The following GABRG2 variants were observed in gnomAD, a reference collection of about 807,000 sequenced individuals.
GABRG2 encodes gamma-aminobutyric acid type A receptor subunit gamma2.
In GABRG2, 16 loss-of-function variants were observed where a neutral mutation model predicts 56.4. That is an observed-to-expected ratio of 0.28 (90% CI 0.19 to 0.43). The LOEUF is 0.43. GABRG2 is among the 20% of genes least tolerant of loss of function. GABRG2 has a pLI of 1.00. For missense variants in GABRG2, 327 were observed against 582.7 expected (o/e 0.56, Z 4.52); for synonymous variants, 208 against 205.5 (o/e 1.01, Z -0.10).
At chr5:162,078,216 C>T (rs538915484) in intron 1 of GABRG2, among the ~76,000 whole-genome samples, 1 of 151,566 alleles carries the variant, frequency 6.6e-6, no homozygotes, top group East Asian at 1.9e-4. Flanking sequence ...GCCACCATGG[C>T]TGGGTTCTGG....
rs1753802684 is a variant in GABRG2 at position 162,155,423 on chromosome 5, T to C, written c.*2055T>C. 1.3e-5 allele frequency: 2 copies of C among 152,482 alleles called. No individual in the cohort carries two copies. Among genetic ancestry groups the C allele is most frequent in the African/African-American group, 2.4e-5 (1 of 41,412 alleles). The allele number at this position is 152,482 out of a possible 1,614,324, so 9.4% of individuals were successfully genotyped here. ...TGAATATATATTATATATAATCTAA[T>C]ACTTATTATAAGCTGCTCCCTGTCT... On this transcript the variant is annotated 3_prime_UTR_variant, in exon 10 of 10. Transcript: ENST00000639213.
At chr5:162,085,603 G>A (rs879423028) in intron 1 of GABRG2, among the ~76,000 whole-genome samples, 20 of 142,444 alleles carry the variant, frequency 1.4e-4, no homozygotes, top group Non-Finnish European at 2.3e-4. Flanking sequence ...TGAGTTCAGT[G>A]ATACAAATGC....
At chr5:162,076,508 C>T (rs1759118056) in intron 1 of GABRG2, among the ~76,000 whole-genome samples, 1 of 152,128 alleles carries the variant, frequency 6.6e-6, no homozygotes, top group Non-Finnish European at 1.5e-5. Flanking sequence ...ATATCTCTAA[C>T]AATGTGAAAT....
chr5:162,135,037 C>A (rs1014241082), intron 6 of GABRG2, among the ~76,000 whole-genome samples: 1 of 152,140 alleles, frequency 6.6e-6, no homozygotes, highest in African/African-American at 2.4e-5. Flanking sequence ...GAAATCAGAA[C>A]GGCAAAGTTT....
At chr5:162,103,708 C>T in intron 5 of GABRG2, 181 bp from the exon 6 acceptor site, 3 of 648,548 alleles carry the variant, frequency 4.6e-6, no homozygotes, top group Non-Finnish European at 8.0e-6. Context: ...TCTAACTTCC[C>T]ATTAGGATGC....
Position 162,110,883 on chromosome 5 carries a change from G to T in GABRG2, c.769+6857G>T, listed in dbSNP as rs139266908. On this transcript the variant is annotated intron_variant, in intron 6 of 9. Coordinates refer to ENST00000639213, the MANE Select transcript of GABRG2 (RefSeq NM_198904.4). ...TTATTTTTAAGCTTCAATTTAGAAA[G>T]TTAGCTTTGGTCTCAGGAGAGAAAA... Among the ~76,000 whole-genome samples the T allele has an allele frequency of 8.4e-3, 1,277 of 152,230 alleles. 28 individuals carry two copies. The highest frequency in any genetic ancestry group is 0.029 in the African/African-American group (1,212 of 41,548).
At chr5:162,127,286 A>G (rs1233172390) in intron 6 of GABRG2, among the ~76,000 whole-genome samples, 6 of 151,914 alleles carry the variant, frequency 3.9e-5, no homozygotes, top group Admixed American at 6.6e-5. Flanking sequence ...TGTACTTTAG[A>G]TATTTGTGGC....
intron 6 of GABRG2, among the ~76,000 whole-genome samples, chr5:162,136,034 G>A (rs1052015260): frequency 1.3e-5 from 2 of 152,116 alleles, no homozygotes; most frequent in African/African-American, 2.4e-5. Flanking sequence ...CAGAAGTTGA[G>A]AGCAACATAT....
At chr5:162,086,046 T>G (rs1760076128) in intron 1 of GABRG2, among the ~76,000 whole-genome samples, 1 of 151,844 alleles carries the variant, frequency 6.6e-6, no homozygotes, top group Non-Finnish European at 1.5e-5. Flanking sequence ...ATAAACATAC[T>G]CGTGCATGCT....
intron 6 of GABRG2, among the ~76,000 whole-genome samples, chr5:162,134,797 G>T (rs2422106): frequency 0.64 from 96,992 of 151,844 alleles, 31,460 homozygotes; most frequent in Admixed American, 0.72. Context: ...GCTAAGAGAC[G>T]AAGACCATCC....
Position 162,153,176 on chromosome 5 carries a change from C to T in GABRG2, c.1236C>T (p.Tyr412=), listed in dbSNP as rs749951528. Residue 412 remains tyrosine (Y), a synonymous_variant, in exon 10 of 10, where the codon TAC becomes TAT. Coordinates refer to ENST00000639213, the MANE Select transcript of GABRG2 (RefSeq NM_198904.4). ...ACCTTCAAGAGAGAGATGAAGAGTA[C>T]GGCTATGAGTGTCTGGACGGCAAGG... is the stretch of plus-strand genomic sequence containing the variant. ...ATHLQERDEE[Y]GYECLDGKDC... is the part of the protein sequence containing the mutation. 1.6e-4 allele frequency: 253 copies of T among 1,613,916 alleles called. No homozygotes were observed. Among genetic ancestry groups the T allele is most frequent in the Middle Eastern group, 3.3e-4 (2 of 6,084 alleles).
chr5:162,074,055 T>G (rs2113132478), intron 1 of GABRG2, among the ~76,000 whole-genome samples: 1 of 151,892 alleles, frequency 6.6e-6, no homozygotes, highest in Middle Eastern at 3.4e-3. Context: ...CCTCTCTAAC[T>G]TGCATTACTG....
In GABRG2 at chr5:162,132,375, G is replaced by A. The variant is rs1763819356; in HGVS notation, c.770-9789G>A. On this transcript the variant is annotated intron_variant, in intron 6 of 9. Coordinates refer to ENST00000639213, the MANE Select transcript of GABRG2 (RefSeq NM_198904.4). The stretch of plus-strand genomic sequence containing the variant: ...AGACCTGTGGACCAGGCATTTTTCT[G>A]TTGAGAATTCTTTGTTCTTTCAACA... Among the ~76,000 whole-genome samples, 2 of 151,946 alleles carry A rather than the reference G, an allele frequency of 1.3e-5. 1 individual carries two copies. The highest frequency in any genetic ancestry group is 1.3e-4 in the Admixed American group (2 of 15,234).
intron 6 of GABRG2, among the ~76,000 whole-genome samples, chr5:162,126,008 G>A (rs1311194407): frequency 6.6e-6 from 1 of 151,920 alleles, no homozygotes; most frequent in Non-Finnish European, 1.5e-5. Flanking sequence ...TGAAGAGGGT[G>A]AATGAAATAG....
chr5:162,117,497 C>T (rs1309821336), intron 6 of GABRG2, among the ~76,000 whole-genome samples: 1 of 151,916 alleles, frequency 6.6e-6, no homozygotes, highest in Non-Finnish European at 1.5e-5. Context: ...AAGATATTGT[C>T]AAAAAGAGTA....
chr5:162,116,796 T>C (rs1346380422), intron 6 of GABRG2, among the ~76,000 whole-genome samples: 1 of 150,636 alleles, frequency 6.6e-6, no homozygotes, highest in African/African-American at 2.5e-5. Flanking sequence ...GGCAATACTC[T>C]GTGACATTTA....
At chr5:162,094,023 A>C (rs774501491) in intron 2 of GABRG2, 44 bp downstream of exon 2, 3 of 1,586,134 alleles carry the variant, frequency 1.9e-6, no homozygotes, top group Non-Finnish European at 2.6e-6. Flanking sequence ...AGGAGCACAT[A>C]AACATGTCTA....
chr5:162,118,394 A>T (rs1762769620), intron 6 of GABRG2, among the ~76,000 whole-genome samples: 1 of 152,106 alleles, frequency 6.6e-6, no homozygotes, highest in Admixed American at 6.6e-5. Flanking sequence ...TAGAAACAAG[A>T]GTGAGGTGGT....
At chr5:162,109,969 C>T (rs1416693255) in intron 6 of GABRG2, among the ~76,000 whole-genome samples, 1 of 152,088 alleles carries the variant, frequency 6.6e-6, no homozygotes, top group Non-Finnish European at 1.5e-5. Context: ...TTAAATCTGT[C>T]ATATTGTCTT....
Sources: allele counts gnomAD v4.1 joint callset (sites outside exome capture counted in the v4.1 genomes callset), GRCh38; gene constraint gnomAD v4.1.1; transcripts MANE v1.5; gene names NCBI Gene and HGNC (gene_info 2026-07-23, HGNC 2026-07-21).